Variants in PVR observed in about 807,000 individuals in gnomAD.
The protein encoded by PVR is poliovirus receptor.
PVR carries 39 observed loss-of-function variants against 43.3 expected under a neutral mutation model. That is an observed-to-expected ratio of 0.90 (90% CI 0.70 to 1.18). The LOEUF (loss-of-function observed/expected upper bound fraction) is 1.18. Ranked by LOEUF, PVR falls within the 50% of genes most tolerant of loss-of-function variation. The pLI is 0.00. For missense variants in PVR, 480 were observed against 549.7 expected, an observed-to-expected ratio of 0.87 and a Z score of 1.27; for synonymous variants, 224 against 233.2, an observed-to-expected ratio of 0.96 and a Z score of 0.36.
chr19:44,645,445 A>ATATATATATATG (rs1599757039), intron 1 of PVR, among the ~76,000 whole-genome samples: 1 of 97,902 alleles, frequency 1.0e-5, no homozygotes, highest in African/African-American at 4.3e-5. Context: ...ATATATATAT[A>ATATATATATATG]GTGCGTGTGT....
At chr19:44,645,534 G>T (rs1006666089) in intron 1 of PVR, among the ~76,000 whole-genome samples, 1 of 147,654 alleles carries the variant, frequency 6.8e-6, no homozygotes, top group Non-Finnish European at 1.5e-5. Flanking sequence ...TACAATCCCG[G>T]CTCATTGCAA....
At chr19:44,654,147 G>T in intron 4 of PVR, 130 bp downstream of exon 4, 1 of 693,682 alleles carries the variant, frequency 1.4e-6, no homozygotes, top group Non-Finnish European at 2.4e-6. Flanking sequence ...TGGGTCTGAG[G>T]GACGAGAGGC....
At position 44,650,071 on chromosome 19, in the gene PVR, G is replaced by A; in HGVS notation, c.690G>A (p.Lys230=). The A allele has an allele frequency of 1.3e-6, 2 of 1,545,426 alleles. No homozygotes were observed. The highest frequency in any genetic ancestry group is 1.2e-5 in the South Asian group (1 of 80,288). The change falls in exon 3 of 8, where the codon AAG becomes AAA. Residue 230 remains lysine (K), a synonymous_variant. Coordinates refer to ENST00000425690, the MANE Select transcript of PVR (RefSeq NM_006505.5). ...TCKVEHESFE[K]PQLLTVNLTV... is the part of the protein sequence containing the mutation. ...AGGTGGAGCACGAGAGCTTTGAGAA[G>A]CCTCAGCTGCTGACTGTGAACCTCA...
At position 44,661,393 on chromosome 19, in the gene PVR, C is replaced by T. The variant is rs538672075; in HGVS notation, c.1182+70C>T. On this transcript the variant is annotated intron_variant, in intron 7 of 7. Coordinates refer to ENST00000425690, the MANE Select transcript of PVR (RefSeq NM_006505.5). The stretch of plus-strand genomic sequence containing the variant: ...ACTACAGACCAGACGTCTTCAGATG[C>T]CCACGGCCCGGCCTCAGGAGCCTGG... 33 of 1,518,194 alleles carry T rather than the reference C, an allele frequency of 2.2e-5. No homozygotes were observed. In the African/African-American group the frequency reaches 4.4e-4, roughly 20 times the overall value. 94.0% of individuals were successfully genotyped at this position (1,518,194 alleles called of 1,614,324 possible).
At position 44,654,039 on chromosome 19, in the gene PVR, G is replaced by C. The variant is rs781348994; in HGVS notation, c.842+22G>C. ...GCACGTGAGTCCTGGGTCTCAGGGA[G>C]GAGGGGCTGGGGGTCTGGATTTCTA... On this transcript the variant is annotated intron_variant, in intron 4 of 7. Coordinates refer to ENST00000425690, the MANE Select transcript of PVR (RefSeq NM_006505.5). 7 of 1,560,194 alleles carry C rather than the reference G, an allele frequency of 4.5e-6. No individual in the cohort carries two copies. The Admixed American group carries it at 1.2e-4, about 26-fold the overall frequency.
At chr19:44,656,609 CAA>C (rs1461674213) in intron 4 of PVR, among the ~76,000 whole-genome samples, 1 of 152,124 alleles carries the variant, frequency 6.6e-6, no homozygotes, top group Non-Finnish European at 1.5e-5. Context: ...GTGAAAGAAA[CAA>C]GAAGCAAGAT....
chr19:44,645,533 G>A (rs575116781), intron 1 of PVR, among the ~76,000 whole-genome samples: 7 of 147,340 alleles, frequency 4.8e-5, no homozygotes, highest in African/African-American at 1.8e-4. Flanking sequence ...GTACAATCCC[G>A]GCTCATTGCA....
intron 2 of PVR, among the ~76,000 whole-genome samples, chr19:44,648,935 A>T (rs1381354570): frequency 6.6e-6 from 1 of 152,202 alleles, no homozygotes; most frequent in Non-Finnish European, 1.5e-5. Flanking sequence ...TTTGGGAATC[A>T]CCAGGATGAT....
At chr19:44,656,440 T>C (rs546073820) in intron 4 of PVR, among the ~76,000 whole-genome samples, 2 of 152,240 alleles carry the variant, frequency 1.3e-5, no homozygotes, top group Non-Finnish European at 2.9e-5. Flanking sequence ...ATCCCAGCTC[T>C]GCGGAGCACC....
intron 6 of PVR, 44 bp from the exon 7 acceptor site, chr19:44,661,248 C>T (rs1026416998): frequency 1.3e-6 from 2 of 1,582,736 alleles, no homozygotes; most frequent in Non-Finnish European, 1.7e-6. Flanking sequence ...CCCATGCTTC[C>T]CAGCATTATT....
At chr19:44,645,980 C>T (rs1261754164) in intron 1 of PVR, among the ~76,000 whole-genome samples, 1 of 152,076 alleles carries the variant, frequency 6.6e-6, no homozygotes, top group Non-Finnish European at 1.5e-5. Flanking sequence ...GTTCAAATCC[C>T]ACCTCTGCCA....
chr19:44,644,183 A>T lies in PVR; in HGVS notation c.79+8A>T. 2 of 1,489,884 alleles carry T rather than the reference A, an allele frequency of 1.3e-6. No homozygotes were observed. The highest frequency in any genetic ancestry group is 1.8e-6 in the Non-Finnish European group (2 of 1,126,244). The allele number at this position is 1,489,884 out of a possible 1,614,324, so 92.3% of individuals were successfully genotyped here. On this transcript the variant is annotated splice_region_variant and intron_variant, in intron 1 of 7. Transcript: ENST00000425690. Reference sequence around the variant, plus strand: ...GGCCACCCCCAGGAACCGGTGAGTGACCCCCGCGCAGTCCGGTGGCCCCTG... The same window carrying T: ...GGCCACCCCCAGGAACCGGTGAGTGTCCCCCGCGCAGTCCGGTGGCCCCTG...
chr19:44,644,244 G>GC, intron 1 of PVR, 69 bp downstream of exon 1: 1 of 1,253,016 alleles, frequency 8.0e-7, no homozygotes, highest in East Asian at 3.1e-5. Flanking sequence ...CCGGGTACTC[G>GC]CCCCCTTGGG....
At chr19:44,658,148 A>G (rs1973503114) in intron 5 of PVR, among the ~76,000 whole-genome samples, 2 of 152,200 alleles carry the variant, frequency 1.3e-5, no homozygotes, top group South Asian at 4.1e-4. Flanking sequence ...CCTCTCTCTC[A>G]GGGACTCAGG....
intron 3 of PVR, 135 bp downstream of exon 3, chr19:44,650,240 C>T (rs1176103249): frequency 1.2e-6 from 1 of 800,994 alleles, no homozygotes; most frequent in East Asian, 2.9e-5. Context: ...GTCTACACGA[C>T]CCACCCCCAT....
chr19:44,645,413 GTGTATATATATATATA>G (rs1369722953), intron 1 of PVR, among the ~76,000 whole-genome samples: 3 of 52,106 alleles, frequency 5.8e-5, no homozygotes, highest in African/African-American at 2.7e-4. Flanking sequence ...TATATGTTTT[GTGTATATATATATATA>G]TATATATATA....
chr19:44,656,076 TA>T (rs1230477008), intron 4 of PVR, among the ~76,000 whole-genome samples: 6 of 149,626 alleles, frequency 4.0e-5, no homozygotes, highest in Admixed American at 6.7e-5. Flanking sequence ...TCCACCACTT[TA>T]AAAAAAAAAT....
chr19:44,644,188 CG>C lies in PVR; in HGVS notation c.79+14del. The C allele has an allele frequency of 6.7e-7, 1 of 1,488,724 alleles. No individual in the cohort carries two copies. Among genetic ancestry groups the C allele is most frequent in the South Asian group, 1.3e-5 (1 of 78,650 alleles). 92.2% of individuals were successfully genotyped at this position (1,488,724 alleles called of 1,614,324 possible). On this transcript the variant is annotated intron_variant, in intron 1 of 7. Transcript: ENST00000425690. ...CCCCCAGGAACCGGTGAGTGACCCCCGCGCAGTCCGGTGGCCCCTGTCTGGC... is the reference window on the plus strand; with the variant it reads ...CCCCCAGGAACCGGTGAGTGACCCCCCGCAGTCCGGTGGCCCCTGTCTGGC...
intron 4 of PVR, among the ~76,000 whole-genome samples, chr19:44,654,552 T>C (rs553560548): frequency 6.6e-6 from 1 of 152,290 alleles, no homozygotes; most frequent in Non-Finnish European, 1.5e-5. Flanking sequence ...CCGAATCCCA[T>C]GTGACCCCAT....
Sources: allele counts gnomAD v4.1 joint callset (sites outside exome capture counted in the v4.1 genomes callset), GRCh38; gene constraint gnomAD v4.1.1; transcripts MANE v1.5; gene names NCBI Gene and HGNC (gene_info 2026-07-23, HGNC 2026-07-21).